KHDRBS3: variants seen among roughly 807,000 people sequenced by gnomAD.
KHDRBS3 encodes the protein KH domain-containing, RNA-binding, signal transduction-associated protein 3.
Under a neutral mutation model 45.6 loss-of-function variants are expected in KHDRBS3, and 23 were observed. The observed-to-expected ratio is 0.50, with a 90% CI of 0.36 to 0.72. KHDRBS3 has a LOEUF of 0.72. Among genes scored for constraint, KHDRBS3 ranks in the 30% least tolerant of loss-of-function variants. The probability of loss-of-function intolerance (pLI) is 0.00; values close to 1 mark genes in which losing one functional copy is unlikely to be tolerated. For synonymous variants in KHDRBS3, 162 were observed against 156.5 expected (o/e 1.04, Z -0.26); for missense variants, 352 against 424.8 (o/e 0.83, Z 1.51).
At chr8:135,537,118 C>T (rs993436965) in intron 2 of KHDRBS3, among the ~76,000 whole-genome samples, 11 of 152,070 alleles carry the variant, frequency 7.2e-5, no homozygotes, top group Admixed American at 3.3e-4. Flanking sequence ...TAGTCAGTGC[C>T]CTCGTGCAGT....
At chr8:135,557,162 G>A (rs571785262) in intron 4 of KHDRBS3, among the ~76,000 whole-genome samples, 1 of 152,190 alleles carries the variant, frequency 6.6e-6, no homozygotes, top group African/African-American at 2.4e-5. Flanking sequence ...CAGTTTTATG[G>A]TATTTTAATT....
At chr8:135,599,532 CAAAG>C (rs1829111756) in intron 6 of KHDRBS3, among the ~76,000 whole-genome samples, 1 of 152,184 alleles carries the variant, frequency 6.6e-6, no homozygotes, top group Non-Finnish European at 1.5e-5. Context: ...GCATTCTTCT[CAAAG>C]AAGCACTTAA....
intron 1 of KHDRBS3, among the ~76,000 whole-genome samples, chr8:135,501,685 G>A (rs149162134): frequency 1.1e-3 from 166 of 151,698 alleles, no homozygotes; most frequent in African/African-American, 3.3e-3. Flanking sequence ...TCTCTAGCTC[G>A]CAGAAAAGTT....
At chr8:135,476,844 G>C (rs1185015615) in intron 1 of KHDRBS3, among the ~76,000 whole-genome samples, 1 of 152,190 alleles carries the variant, frequency 6.6e-6, no homozygotes, top group Admixed American at 6.5e-5. Context: ...GACATTGAAA[G>C]ATGGGAATAG....
chr8:135,601,530 G>A (rs1310731448), intron 6 of KHDRBS3, among the ~76,000 whole-genome samples: 1 of 152,202 alleles, frequency 6.6e-6, no homozygotes, highest in Non-Finnish European at 1.5e-5. Flanking sequence ...TGCATGGGAG[G>A]CACAGGACAC....
intron 1 of KHDRBS3, among the ~76,000 whole-genome samples, chr8:135,462,539 A>T (rs1019648833): frequency 3.9e-5 from 6 of 152,154 alleles, no homozygotes; most frequent in African/African-American, 1.4e-4. Flanking sequence ...TAGTCCTTCA[A>T]CTATGCTGAA....
chr8:135,469,914 C>A (rs112897407), intron 1 of KHDRBS3, among the ~76,000 whole-genome samples: 20 of 152,284 alleles, frequency 1.3e-4, no homozygotes, highest in Middle Eastern at 3.4e-3. Context: ...ACATCGCAGC[C>A]GATGCCAGCA....
chr8:135,548,958 T>G, intron 4 of KHDRBS3, 58 bp downstream of exon 4: 1 of 1,231,458 alleles, frequency 8.1e-7, no homozygotes. Flanking sequence ...CTTTAATCCT[T>G]GATACTTCTT....
chr8:135,558,059 T>C (rs1001294463), intron 5 of KHDRBS3, among the ~76,000 whole-genome samples: 8 of 152,360 alleles, frequency 5.3e-5, no homozygotes, highest in Non-Finnish European at 1.2e-4. Context: ...AAGATTGGGC[T>C]AGCAGTCACT....
In KHDRBS3 at chr8:135,625,577, G is replaced by A. The variant is rs1431204464; in HGVS notation, c.890+18540G>A. 20 of 949,598 alleles carry A rather than the reference G, an allele frequency of 2.1e-5. 1 individual carries two copies. The South Asian group carries it at 2.6e-4, about 12-fold the overall frequency. 58.8% of individuals were successfully genotyped at this position (949,598 alleles called of 1,614,324 possible). A position where few individuals can be genotyped will look rare whatever the true frequency, so the allele number is the denominator to read the frequency against. On this transcript the variant is annotated intron_variant, in intron 7 of 8. Transcript: ENST00000355849. ...TGGAGCAACGAGAGAGGGAGCCACT[G>A]CAGTTTCTTGACCTTGTCTGGCAGC...
At chr8:135,612,442 T>C (rs1829741783) in intron 7 of KHDRBS3, among the ~76,000 whole-genome samples, 1 of 151,862 alleles carries the variant, frequency 6.6e-6, no homozygotes, top group Admixed American at 6.6e-5. Context: ...TTTTTCCACT[T>C]TTACATGAGA....
chr8:135,487,025 T>G (rs547832772), intron 1 of KHDRBS3, among the ~76,000 whole-genome samples: 2 of 152,198 alleles, frequency 1.3e-5, no homozygotes, highest in Non-Finnish European at 2.9e-5. Context: ...TAAAACAAAT[T>G]TTCTTCCTTT....
intron 1 of KHDRBS3, among the ~76,000 whole-genome samples, chr8:135,492,531 A>ATG (rs1823211836): frequency 6.7e-6 from 1 of 149,980 alleles, no homozygotes; most frequent in South Asian, 2.1e-4. Context: ...ATATATATAT[A>ATG]TATTTCCTCT....
At chr8:135,530,059 C>A (rs376331084) in intron 2 of KHDRBS3, among the ~76,000 whole-genome samples, 110 of 136,512 alleles carry the variant, frequency 8.1e-4, no homozygotes, top group South Asian at 1.6e-3. Context: ...ACTCCCATCT[C>A]AAAAAAAAAA....
Position 135,476,407 on chromosome 8 carries a change from G to A in KHDRBS3, c.88+18453G>A, listed in dbSNP as rs994143280. Among the ~76,000 whole-genome samples, 22 of 152,248 alleles carry A rather than the reference G, an allele frequency of 1.4e-4. 1 individual carries two copies. In the South Asian group the frequency reaches 2.1e-3, roughly 14 times the overall value. ...TCCACCCACCTCGGCCTCCCAAAGT[G>A]CTGGGATTACAGGCATGAACCACGG... On this transcript the variant is annotated intron_variant, in intron 1 of 8. Transcript: ENST00000355849.
chr8:135,651,282 A>G (rs1831422772), downstream of KHDRBS3, among the ~76,000 whole-genome samples: 1 of 150,930 alleles, frequency 6.6e-6, no homozygotes, highest in African/African-American at 2.4e-5. Flanking sequence ...TATAAAATAG[A>G]CATAGTCTAT....
chr8:135,475,333 C>T (rs749721583), intron 1 of KHDRBS3, among the ~76,000 whole-genome samples: 13 of 151,930 alleles, frequency 8.6e-5, no homozygotes, highest in South Asian at 2.1e-4. Context: ...GTTTTTGAGA[C>T]GGAGTTTCGC....
chr8:135,533,643 G>A (rs1283501080), intron 2 of KHDRBS3, among the ~76,000 whole-genome samples: 1 of 152,126 alleles, frequency 6.6e-6, no homozygotes, highest in Non-Finnish European at 1.5e-5. Flanking sequence ...TGTACTGATG[G>A]ACCTGCTTTA....
At chr8:135,572,720 A>G (rs1291142203) in intron 5 of KHDRBS3, among the ~76,000 whole-genome samples, 1 of 152,220 alleles carries the variant, frequency 6.6e-6, no homozygotes, top group African/African-American at 2.4e-5. Flanking sequence ...CTAGAACCAC[A>G]TTTCGGGTGG....
Sources: gnomAD v4.1 joint callset for allele counts (sites outside exome capture counted in the v4.1 genomes callset) on GRCh38, gnomAD v4.1.1 for gene constraint, MANE v1.5 for transcripts, NCBI Gene and HGNC (gene_info 2026-07-23, HGNC 2026-07-21) for gene names.